ZBTB8B: variants seen among roughly 807,000 people sequenced by gnomAD.
ZBTB8B encodes the protein zinc finger and BTB domain-containing protein 8B.
ZBTB8B carries 17 observed loss-of-function variants against 30.3 expected under a neutral mutation model. The ratio of observed to expected loss-of-function variants is 0.56; its 90% confidence interval spans 0.38 to 0.84. The LOEUF is 0.84. Among genes scored for constraint, ZBTB8B ranks in the 40% least tolerant of loss-of-function variants. The pLI, the probability that ZBTB8B is intolerant of heterozygous loss-of-function variation, is 0.00. For synonymous variants in ZBTB8B, 248 were observed against 255.6 expected, an observed-to-expected ratio of 0.97 and a Z score of 0.28; for missense variants, 515 against 644.9, an observed-to-expected ratio of 0.80 and a Z score of 2.18.
chr1:32,476,184 G>T (rs1376908950), intron 2 of ZBTB8B, among the ~76,000 whole-genome samples: 2 of 151,976 alleles, frequency 1.3e-5, no homozygotes, highest in Non-Finnish European at 2.9e-5. Context: ...CACCCAGGCT[G>T]GAGTGCAGTG....
rs1397279817 is a variant in ZBTB8B at position 32,485,408 on chromosome 1, CACTT to C, written c.1481_1484del (p.Leu494ArgfsTer12). The stretch of plus-strand genomic sequence containing the variant: ...CAGCCTAACTTATCAGACCGAGAGA[CACTT>C]ACGTAGCAATAAATTGGTGGGGAAG... On this transcript the variant is annotated frameshift_variant, in exon 4 of 4. Transcript: ENST00000609129. LOFTEE classifies it high-confidence loss of function. 2.6e-6 allele frequency: 4 copies of C among 1,549,934 alleles called. No individual in the cohort carries two copies. The Admixed American group carries it at 7.8e-5, about 30-fold the overall frequency.
At chr1:32,467,248 T>G (rs1036809600) in intron 1 of ZBTB8B, among the ~76,000 whole-genome samples, 5 of 151,362 alleles carry the variant, frequency 3.3e-5, no homozygotes, top group African/African-American at 1.2e-4. Flanking sequence ...CACTTGTTTT[T>G]TTTTTTTTTT....
intron 1 of ZBTB8B, among the ~76,000 whole-genome samples, chr1:32,466,727 T>C (rs996591650): frequency 5.3e-5 from 8 of 152,114 alleles, no homozygotes; most frequent in Non-Finnish European, 1.0e-4. Context: ...TTTTAGGTGC[T>C]ATTTCTGGAA....
chr1:32,479,184 A>T (rs1233352085), intron 2 of ZBTB8B, among the ~76,000 whole-genome samples: 2 of 152,104 alleles, frequency 1.3e-5, no homozygotes, highest in African/African-American at 4.8e-5. Context: ...ATATGATATG[A>T]TATGATATGA....
chr1:32,470,551 A>C, intron 1 of ZBTB8B, 33 bp from the exon 2 acceptor site: 1 of 657,618 alleles, frequency 1.5e-6, no homozygotes, highest in Non-Finnish European at 2.4e-6. Flanking sequence ...AAAGGTTGGG[A>C]TTTGTGAATT....
rs757432694 is a variant in ZBTB8B at position 32,492,296 on chromosome 1, CTTTTTTTTTTTTT to C, written c.*6889_*6901del. ...AAACACAGGCTCTTGGTAACCGTGCCTTTTTTTTTTTTTTTTTTTTTTTAAAGATGGAGTTTCA... is the reference window on the plus strand; with the variant it reads ...AAACACAGGCTCTTGGTAACCGTGCCTTTTTTTTTTAAAGATGGAGTTTCA... On this transcript the variant is annotated 3_prime_UTR_variant, in exon 4 of 4. Coordinates refer to ENST00000609129, the MANE Select transcript of ZBTB8B (RefSeq NM_001145720.2). The C allele has an allele frequency of 8.1e-6, 1 of 122,916 alleles. No individual in the cohort carries two copies. Among genetic ancestry groups the C allele is most frequent in the African/African-American group, 3.2e-5 (1 of 31,292 alleles). 7.6% of individuals were successfully genotyped at this position (122,916 alleles called of 1,614,324 possible).
In ZBTB8B at chr1:32,481,052, C is replaced by T. The variant is rs764231556; in HGVS notation, c.1153C>T (p.Arg385Trp). 4.7e-5 allele frequency: 73 copies of T among 1,551,412 alleles called. No homozygotes were observed. The highest frequency in any genetic ancestry group is 1.5e-5 in the Non-Finnish European group (17 of 1,146,870). The change falls in exon 3 of 4, where the codon CGG (arginine) becomes TGG (tryptophan). Residue 385 changes from arginine (R) to tryptophan (W), a missense_variant. Transcript: ENST00000609129. ...GAGGTTCACTCGACAAGAGCACCTG[C>T]GGAGCCACGCACTGAGTGTAAGTGT... ...GKRFTRQEHL[R>W]SHALSVHRSN... is the part of the protein sequence containing the mutation.
chr1:32,469,714 G>C (rs1197009604), intron 1 of ZBTB8B, among the ~76,000 whole-genome samples: 1 of 152,120 alleles, frequency 6.6e-6, no homozygotes, highest in Non-Finnish European at 1.5e-5. Context: ...TTCCTTATCA[G>C]AACAAGGGAG....
At position 32,496,606 on chromosome 1, in the gene ZBTB8B, T is replaced by C. The variant is rs1643819537; in HGVS notation, c.*11188T>C. 6.6e-6 allele frequency: 1 copy of C among 152,196 alleles called. No homozygotes were observed. Among genetic ancestry groups the C allele is most frequent in the Admixed American group, 6.6e-5 (1 of 15,266 alleles). 9.4% of individuals were successfully genotyped at this position (152,196 alleles called of 1,614,324 possible). A position where few individuals can be genotyped will look rare whatever the true frequency, so the allele number is the denominator to read the frequency against. On this transcript the variant is annotated 3_prime_UTR_variant, in exon 4 of 4. Coordinates refer to ENST00000609129, the MANE Select transcript of ZBTB8B (RefSeq NM_001145720.2). ...TTTATATAGGTCAGTGTTGCCCAGG[T>C]TGTATTGTTTTGCTGTTTTTACTTT...
chr1:32,481,804 T>C (rs1436525638), intron 3 of ZBTB8B, among the ~76,000 whole-genome samples: 1 of 152,126 alleles, frequency 6.6e-6, no homozygotes, highest in Non-Finnish European at 1.5e-5. Flanking sequence ...TTTCCTTCTT[T>C]GTGTTCATAA....
At chr1:32,471,712 CATT>C (rs1643622745) in intron 2 of ZBTB8B, 97 bp downstream of exon 2, 1 of 1,325,440 alleles carries the variant, frequency 7.5e-7, no homozygotes, top group Non-Finnish European at 1.0e-6. Flanking sequence ...TCACCATCAT[CATT>C]GTCACTACCA....
rs1643736876 is a variant in ZBTB8B, at chr1:32,485,310, C to T, written c.1380C>T (p.Asp460=). The change falls in exon 4 of 4, where the codon GAC becomes GAT. Residue 460 remains aspartate (D), a synonymous_variant. Transcript: ENST00000609129. ...ESQEKSDTDN[D]WPIYVESGEE... is the part of the protein sequence containing the mutation. ...AAGAAAAGAGCGACACAGACAATGA[C>T]TGGCCAATCTATGTGGAGTCGGGTG... The T allele has an allele frequency of 1.3e-6, 2 of 1,552,294 alleles. No homozygotes were observed. Among genetic ancestry groups the T allele is most frequent in the South Asian group, 2.4e-5 (2 of 84,054 alleles).
chr1:32,475,614 G>A (rs560925547), intron 2 of ZBTB8B, among the ~76,000 whole-genome samples: 1 of 152,058 alleles, frequency 6.6e-6, no homozygotes, highest in South Asian at 2.1e-4. Flanking sequence ...AGACACAAAT[G>A]TAAATGACGT....
chr1:32,492,049 A>T lies in ZBTB8B; in HGVS notation c.*6631A>T, dbSNP rs1427905763. 1 of 152,186 alleles carries T rather than the reference A, an allele frequency of 6.6e-6. No individual in the cohort carries two copies. Among genetic ancestry groups the T allele is most frequent in the Non-Finnish European group, 1.5e-5 (1 of 68,028 alleles). 9.4% of individuals were successfully genotyped at this position (152,186 alleles called of 1,614,324 possible). On this transcript the variant is annotated 3_prime_UTR_variant, in exon 4 of 4. Transcript: ENST00000609129. Reference sequence around the variant, plus strand: ...TTCTTGAATAGTGTTGTTGGTGCTTAGTTGCTTGTGATTAATAGACAGTTT... The same window carrying T: ...TTCTTGAATAGTGTTGTTGGTGCTTTGTTGCTTGTGATTAATAGACAGTTT...
chr1:32,480,551 T>A lies in ZBTB8B; in HGVS notation c.992-340T>A, dbSNP rs143655216. Among the ~76,000 whole-genome samples, 118 of 152,346 alleles carry A rather than the reference T, an allele frequency of 7.7e-4. No individual in the cohort carries two copies. The East Asian group carries it at 0.014, about 19-fold the overall frequency. On this transcript the variant is annotated intron_variant, in intron 2 of 3. Coordinates refer to ENST00000609129, the MANE Select transcript of ZBTB8B (RefSeq NM_001145720.2). ...GAATAAACACTATCAGGGTGAGTAT[T>A]GTTTTGGGAAACTTTTCCAGTTATC...
At chr1:32,476,576 A>G (rs987966582) in intron 2 of ZBTB8B, among the ~76,000 whole-genome samples, 1 of 152,028 alleles carries the variant, frequency 6.6e-6, no homozygotes, top group African/African-American at 2.4e-5. Context: ...AATTGTGCCC[A>G]GAGGGATCTT....
intron 2 of ZBTB8B, among the ~76,000 whole-genome samples, chr1:32,472,379 G>A (rs1017484535): frequency 2.0e-5 from 3 of 152,132 alleles, no homozygotes; most frequent in Non-Finnish European, 4.4e-5. Flanking sequence ...CTCTCTCACA[G>A]GTTTGTTGTG....
chr1:32,484,688 G>A lies in ZBTB8B; in HGVS notation c.1171-413G>A, dbSNP rs1325226500. 6.6e-6 allele frequency among the ~76,000 whole-genome samples: 1 copy of A among 152,114 alleles called. No homozygotes were observed. Among genetic ancestry groups the A allele is most frequent in the Admixed American group, 6.6e-5 (1 of 15,266 alleles). On this transcript the variant is annotated intron_variant, in intron 3 of 3. Coordinates refer to ENST00000609129, the MANE Select transcript of ZBTB8B (RefSeq NM_001145720.2). This position sits in a 1 kb window ranked among gnomAD's most constrained non-coding sequence, Gnocchi z 4.5. ...GCCATCCCTACTTGGTGCTGTCATC[G>A]TGATAGTGAGTTTTCATGAGATCTG...
intron 3 of ZBTB8B, among the ~76,000 whole-genome samples, chr1:32,482,560 A>G (rs904739569): frequency 4.0e-5 from 6 of 150,834 alleles, no homozygotes; most frequent in Non-Finnish European, 7.4e-5. Context: ...AGTCCCAGCT[A>G]CTCAGGAGGC....
Sources: allele counts gnomAD v4.1 joint callset (sites outside exome capture counted in the v4.1 genomes callset), GRCh38; gene constraint gnomAD v4.1.1; non-coding constraint Gnocchi (gnomAD v3.1); transcripts MANE v1.5; gene names NCBI Gene and HGNC (gene_info 2026-07-23, HGNC 2026-07-21).